Variants in LRP2 observed in about 807,000 individuals in gnomAD.
The protein encoded by LRP2 is LDL receptor related protein 2.
A neutral mutation model predicts 531.0 loss-of-function variants in LRP2; 172 were observed. The ratio of observed to expected loss-of-function variants is 0.32; its 90% CI spans 0.29 to 0.37. The LOEUF is 0.37. LRP2 is among the 10% of genes least tolerant of loss of function. The pLI, the probability that LRP2 is intolerant of heterozygous loss-of-function variation, is 1.00. For missense variants in LRP2, 5,167 were observed against 5,868.3 expected, an observed-to-expected ratio of 0.88 and a Z score of 3.90; for synonymous variants, 1,992 against 2,027.6, an observed-to-expected ratio of 0.98 and a Z score of 0.47.
At chr2:169,166,188 C>G (rs1686776338) in intron 61 of LRP2, 134 bp from the exon 62 acceptor site, 9 of 849,828 alleles carry the variant, frequency 1.1e-5, no homozygotes, top group Non-Finnish European at 1.5e-5. Context: ...AATCAATCAG[C>G]AGATACACCT....
chr2:169,334,324 G>T (rs1685344943), intron 1 of LRP2, among the ~76,000 whole-genome samples: 1 of 151,990 alleles, frequency 6.6e-6, no homozygotes. Flanking sequence ...AATAATTAAA[G>T]CCATTTGCTT....
chr2:169,327,231 TG>T (rs1227476145), intron 1 of LRP2, among the ~76,000 whole-genome samples: 25 of 88,454 alleles, frequency 2.8e-4, no homozygotes, highest in African/African-American at 1.1e-3. Flanking sequence ...GGGAGGGAGG[TG>T]GGGGGGTCAG....
intron 61 of LRP2, among the ~76,000 whole-genome samples, chr2:169,168,028 T>TATATATATATATAC (rs1686850926): frequency 8.2e-6 from 1 of 121,412 alleles, no homozygotes; most frequent in Non-Finnish European, 1.8e-5. Flanking sequence ...AATATATATA[T>TATATATATATATAC]ATATATATAT....
intron 33 of LRP2, among the ~76,000 whole-genome samples, chr2:169,221,775 C>T (rs1689018414): frequency 6.6e-6 from 1 of 152,012 alleles, no homozygotes; most frequent in Non-Finnish European, 1.5e-5. Context: ...GTATCTTTCA[C>T]TCTTGCTTGG....
intron 41 of LRP2, among the ~76,000 whole-genome samples, chr2:169,204,813 A>G (rs1042966757): frequency 1.3e-5 from 2 of 152,252 alleles, no homozygotes; most frequent in East Asian, 1.9e-4. Flanking sequence ...GATTCCCGAT[A>G]TGTAGACACC....
rs1216547705 is a variant in LRP2, at chr2:169,170,570, G to T, written c.11361C>A (p.Asn3787Lys). 6.2e-7 allele frequency: 1 copy of T among 1,613,958 alleles called. No individual in the cohort carries two copies. Among genetic ancestry groups the T allele is most frequent in the Admixed American group, 1.7e-5 (1 of 60,020 alleles). The part of the protein sequence containing the change: ...ICDHYNDCGD[N>K]SDERDCEMRT... ...AGTTACCACAGTCCCGTTCATCTGA[G>T]TTGTCCCCACAGTCGTTGTAATGGT... The change falls in exon 59 of 79, where the codon AAC (asparagine) becomes AAA (lysine). Residue 3787 changes from asparagine to lysine, a missense_variant. Around this residue, in one of 6 missense-constraint regions of LRP2, gnomAD observed 564 missense variants for 747.7 expected, o/e 0.75. Coordinates refer to ENST00000649046, the MANE Select transcript of LRP2 (RefSeq NM_004525.3).
chr2:169,241,406 T>C, intron 24 of LRP2, 41 bp from the exon 25 acceptor site: 1 of 1,610,848 alleles, frequency 6.2e-7, no homozygotes, highest in Non-Finnish European at 8.5e-7. Context: ...GTGAATGTAA[T>C]TTGTGATCCC....
At chr2:169,154,049 T>C (rs1483457137) in intron 66 of LRP2, among the ~76,000 whole-genome samples, 1 of 152,192 alleles carries the variant, frequency 6.6e-6, no homozygotes, top group African/African-American at 2.4e-5. Flanking sequence ...CATAGATTCA[T>C]GGTGAGCAAT....
rs1211273678 is a variant in LRP2 at position 169,328,100 on chromosome 2, A to G, written c.80-7216T>C. 1.3e-3 allele frequency among the ~76,000 whole-genome samples: 160 copies of G among 121,686 alleles called. 1 individual carries two copies. Among genetic ancestry groups the G allele is most frequent in the South Asian group, 4.3e-3 (15 of 3,468 alleles). 79.8% of individuals were successfully genotyped at this position (121,686 alleles called of 152,430 possible). A position where few individuals can be genotyped will look rare whatever the true frequency, so the allele number is the denominator to read the frequency against. The stretch of plus-strand genomic sequence containing the variant: ...CCCCGCCCAGCCAGCCGCCCTGTCC[A>G]GGAGGTGAGGGGCGCCTCTGCCCAG... On this transcript the variant is annotated intron_variant, in intron 1 of 78. Transcript: ENST00000649046.
intron 3 of LRP2, among the ~76,000 whole-genome samples, chr2:169,308,640 G>A (rs187222016): frequency 1.3e-5 from 2 of 152,230 alleles, no homozygotes; most frequent in Admixed American, 6.5e-5. Flanking sequence ...CTTTTGGGTT[G>A]GTCCCAAGTC....
rs745847612 is a variant in LRP2, at chr2:169,147,008, T to G, written c.12591-49A>C. On this transcript the variant is annotated intron_variant, in intron 68 of 78. Coordinates refer to ENST00000649046, the MANE Select transcript of LRP2 (RefSeq NM_004525.3). Reference sequence around the variant, plus strand: ...GTAGCATCTCACCTGGTAAGACTTCTCCACTACAGCAGAGCACAGGGCATT... The same window carrying G: ...GTAGCATCTCACCTGGTAAGACTTCGCCACTACAGCAGAGCACAGGGCATT... The G allele has an allele frequency of 3.6e-6, 5 of 1,384,986 alleles. No homozygotes were observed. The South Asian group carries it at 6.1e-5, about 17-fold the overall frequency. 85.8% of individuals were successfully genotyped at this position (1,384,986 alleles called of 1,614,324 possible).
At chr2:169,294,472 G>A (rs926624519) in intron 5 of LRP2, 128 bp downstream of exon 5, 27 of 795,840 alleles carry the variant, frequency 3.4e-5, no homozygotes, top group Admixed American at 6.0e-5. Flanking sequence ...TCCTACCAAC[G>A]GCTGACTTCA....
intron 52 of LRP2, 119 bp downstream of exon 52, chr2:169,181,329 A>G (rs1457551987): frequency 2.1e-6 from 2 of 965,608 alleles, no homozygotes; most frequent in African/African-American, 1.6e-5. Flanking sequence ...ACTTCCCCCG[A>G]ATGACTTCCA....
intron 70 of LRP2, among the ~76,000 whole-genome samples, chr2:169,144,788 C>T (rs1685848809): frequency 6.6e-6 from 1 of 152,144 alleles, no homozygotes; most frequent in South Asian, 2.1e-4. Context: ...TCAGCAGACT[C>T]AAGACAACCC....
At chr2:169,244,164 AC>A (rs1689917749) in intron 22 of LRP2, among the ~76,000 whole-genome samples, 1 of 152,208 alleles carries the variant, frequency 6.6e-6, no homozygotes, top group Non-Finnish European at 1.5e-5. Flanking sequence ...AGCCCAGGGA[AC>A]TTTGCTCCAT....
At chr2:169,248,725 G>A (rs3845729) in intron 19 of LRP2, among the ~76,000 whole-genome samples, 39,075 of 128,634 alleles carry the variant, frequency 0.3, 8,007 homozygotes, top group South Asian at 0.56. Context: ...CTGAGGTACC[G>A]GGTTCATCTC....
In LRP2 at chr2:169,137,588, C is replaced by T. The variant is rs114817111; in HGVS notation, c.13519-95G>A. 3,123 of 788,256 alleles carry T rather than the reference C, an allele frequency of 4.0e-3. 56 individuals are homozygous for T. The African/African-American group carries it at 0.047, about 12-fold the overall frequency. The allele number at this position is 788,256 out of a possible 1,614,324, so 48.8% of individuals were successfully genotyped here. A position where few individuals can be genotyped will look rare whatever the true frequency, so the allele number is the denominator to read the frequency against. On this transcript the variant is annotated intron_variant, in intron 75 of 78. Coordinates refer to ENST00000649046, the MANE Select transcript of LRP2 (RefSeq NM_004525.3). ...TCTGGTTCACACACAAAGAAAGGTGCCTTCCTCACACCTGGAGGTACGCTA... is the reference window on the plus strand; with the variant it reads ...TCTGGTTCACACACAAAGAAAGGTGTCTTCCTCACACCTGGAGGTACGCTA...
At position 169,145,858 on chromosome 2, in the gene LRP2, C is replaced by A; in HGVS notation, c.12877G>T (p.Glu4293Ter). ...QLYWISKEKGEVWKQNKFGQG... is the reference protein window; with the variant it reads ...QLYWISKEKG Reference sequence around the variant, plus strand: ...CCAAATTTATTTTGTTTCCATACTTCTCCCTTTTCCTTAGATATCCAGTAT... The same window carrying A: ...CCAAATTTATTTTGTTTCCATACTTATCCCTTTTCCTTAGATATCCAGTAT... The change falls in exon 70 of 79, where the codon GAA becomes TAA. Residue 4293 changes from glutamate (E) to a stop codon, truncating the protein, a stop_gained. Transcript: ENST00000649046. LOFTEE classifies it high-confidence loss of function. 1 of 1,614,088 alleles carries A rather than the reference C, an allele frequency of 6.2e-7. No homozygotes were observed. The highest frequency in any genetic ancestry group is 8.5e-7 in the Non-Finnish European group (1 of 1,179,974).
intron 3 of LRP2, among the ~76,000 whole-genome samples, chr2:169,308,935 T>C (rs1056211866): frequency 6.6e-6 from 1 of 152,128 alleles, no homozygotes; most frequent in African/African-American, 2.4e-5. Context: ...TGAGATGATA[T>C]CTCATTGTGG....
Sources: gnomAD v4.1 joint callset for allele counts (sites outside exome capture counted in the v4.1 genomes callset) on GRCh38, gnomAD v4.1.1 for gene constraint, gnomAD v4.1.1 regional missense constraint, MANE v1.5 for transcripts, NCBI Gene and HGNC (gene_info 2026-07-23, HGNC 2026-07-21) for gene names.